Variants in DENND2A observed in about 807,000 individuals in gnomAD.
The protein encoded by DENND2A is DENN domain containing 2A, also known as DENN domain-containing protein 2A.
In DENND2A, 53 loss-of-function variants were observed where a neutral mutation model predicts 105.3. The observed-to-expected ratio is 0.50, with a 90% CI of 0.40 to 0.63. DENND2A has a LOEUF of 0.63. DENND2A is among the 30% of genes least tolerant of loss of function. DENND2A has a pLI of 0.00. For synonymous variants in DENND2A, 522 were observed against 508.4 expected (o/e 1.03, Z -0.36); for missense variants, 1,138 against 1,279.6 (o/e 0.89, Z 1.69).
intron 1 of DENND2A, among the ~76,000 whole-genome samples, chr7:140,628,542 T>C (rs2130733579): frequency 6.8e-6 from 1 of 147,632 alleles, no homozygotes; most frequent in South Asian, 2.2e-4. Context: ...CTTTCTTTTT[T>C]TTTTTTTTTT....
At chr7:140,558,088 A>G (rs1401244439) in intron 11 of DENND2A, 55 bp downstream of exon 11, 10 of 1,486,834 alleles carry the variant, frequency 6.7e-6, no homozygotes, top group Non-Finnish European at 9.3e-6. Context: ...TGGCTCTTGC[A>G]CCAGGACTAG....
chr7:140,559,697 C>T lies in DENND2A; in HGVS notation c.1889+11G>A. ...TCTTTGGGGCTGCGAAGGGGAGAAG[C>T]CAGCTCGTACCTGGTGAACTGCTGG... On this transcript the variant is annotated intron_variant, in intron 10 of 19. Coordinates refer to ENST00000496613, the MANE Select transcript of DENND2A (RefSeq NM_015689.5). The surrounding 1 kb of genome is among the most constrained non-coding windows in gnomAD (Gnocchi z 4.1). 1 of 1,608,266 alleles carries T rather than the reference C, an allele frequency of 6.2e-7. No individual in the cohort carries two copies. The highest frequency in any genetic ancestry group is 8.5e-7 in the Non-Finnish European group (1 of 1,174,836).
At chr7:140,542,557 TTCTC>T (rs1563127624) in intron 14 of DENND2A, among the ~76,000 whole-genome samples, 1 of 149,542 alleles carries the variant, frequency 6.7e-6, no homozygotes, top group Non-Finnish European at 1.5e-5. Context: ...GCAGTTCTTT[TTCTC>T]TCTCTTTTTT....
chr7:140,589,415 G>A (rs1798918419), intron 3 of DENND2A, among the ~76,000 whole-genome samples: 1 of 152,194 alleles, frequency 6.6e-6, no homozygotes, highest in Non-Finnish European at 1.5e-5. Context: ...ATGCTATGAG[G>A]AGATGCTATG....
At chr7:140,567,541 A>G (rs906790900) in intron 8 of DENND2A, among the ~76,000 whole-genome samples, 6 of 152,138 alleles carry the variant, frequency 3.9e-5, no homozygotes, top group African/African-American at 1.4e-4. Flanking sequence ...TTGGCTACCA[A>G]ACCAATCAGG....
At position 140,585,676 on chromosome 7, in the gene DENND2A, G is replaced by A. The variant is rs544674444; in HGVS notation, c.1158C>T (p.Ile386=). ...TTCCCAGGCAGCGACCATGTAACTC[G>A]ATGTCCTCATAAGGGTTCTCCTTCA... is the stretch of plus-strand genomic sequence containing the variant. ...PPMKENPYED[I]ELHGRCLGKK... Residue 386 remains isoleucine, a synonymous_variant, in exon 5 of 20, where the codon ATC becomes ATT. Coordinates refer to ENST00000496613, the MANE Select transcript of DENND2A (RefSeq NM_015689.5). 8.7e-6 allele frequency: 14 copies of A among 1,614,188 alleles called. No homozygotes were observed. In the Admixed American group the frequency reaches 1.0e-4, roughly 12 times the overall value.
intron 5 of DENND2A, among the ~76,000 whole-genome samples, chr7:140,584,910 A>G (rs993626331): frequency 1.3e-5 from 2 of 152,044 alleles, no homozygotes; most frequent in Non-Finnish European, 2.9e-5. Context: ...TCATTAAAAA[A>G]CCCACAGGCT....
chr7:140,544,760 C>A lies in DENND2A; in HGVS notation c.2185G>T (p.Glu729Ter), dbSNP rs2293177. The change falls in exon 14 of 20, where the codon GAA (glutamate) becomes TAA (stop). Residue 729 changes from glutamate to a stop codon, truncating the protein, a stop_gained. Coordinates refer to ENST00000496613, the MANE Select transcript of DENND2A (RefSeq NM_015689.5). LOFTEE classifies it high-confidence loss of function. ...FLPGSGTEVIELCRPLDSRLE... is the reference protein window; with the variant it reads ...FLPGSGTEVI ...CGGGAGTCCAGCGGGCGGCACAGTT[C>A]GATCACCTGCCAGGGAACAGGAGCA... The A allele has an allele frequency of 6.3e-7, 1 of 1,575,384 alleles. No homozygotes were observed. The highest frequency in any genetic ancestry group is 1.2e-5 in the South Asian group (1 of 86,610).
chr7:140,555,695 G>T lies in DENND2A; in HGVS notation c.1978C>A (p.Arg660Ser). The change falls in exon 12 of 20, where the codon CGC becomes AGC. Residue 660 changes from arginine (R) to serine (S), a missense_variant. Physicochemically the swap from Arg to Ser is moderately radical, Grantham distance 110. Transcript: ENST00000496613. ...RRLLPGGKGK[R>S]LPEVYCIVSR... ...ACAATGCAGTAAACTTCAGGAAGGC[G>T]CTTCCCTTTGCCTCCAGGCTTTTCG... 2 of 1,606,802 alleles carry T rather than the reference G, an allele frequency of 1.2e-6. No individual in the cohort carries two copies. Among genetic ancestry groups the T allele is most frequent in the Non-Finnish European group, 1.7e-6 (2 of 1,177,872 alleles).
chr7:140,586,441 C>G (rs1798787974), intron 4 of DENND2A, among the ~76,000 whole-genome samples: 1 of 151,688 alleles, frequency 6.6e-6, no homozygotes, highest in Non-Finnish European at 1.5e-5. Context: ...CGCCTATAAT[C>G]CCAGCTACTT....
intron 15 of DENND2A, among the ~76,000 whole-genome samples, chr7:140,526,513 G>A (rs1796060812): frequency 6.6e-6 from 1 of 152,190 alleles, no homozygotes; most frequent in Non-Finnish European, 1.5e-5. Context: ...CCATATCCCA[G>A]AGACCTGCCC....
chr7:140,550,007 G>C (rs1797056309), intron 12 of DENND2A, among the ~76,000 whole-genome samples: 2 of 152,026 alleles, frequency 1.3e-5, no homozygotes. Context: ...TATGCTAAGT[G>C]AATCGAAGCC....
At chr7:140,635,441 T>G (rs1800887950) in intron 1 of DENND2A, among the ~76,000 whole-genome samples, 1 of 152,186 alleles carries the variant, frequency 6.6e-6, no homozygotes, top group African/African-American at 2.4e-5. Flanking sequence ...GATAAGCCCT[T>G]CAGATAAGAT....
intron 5 of DENND2A, among the ~76,000 whole-genome samples, chr7:140,584,972 C>A (rs1324379926): frequency 6.6e-6 from 1 of 152,134 alleles, no homozygotes; most frequent in East Asian, 1.9e-4. Flanking sequence ...GCCAAGGCAG[C>A]TGGATCACTT....
chr7:140,518,666 T>TAG lies in DENND2A; in HGVS notation c.*39_*40dup. 1 of 1,603,878 alleles carries TAG rather than the reference T, an allele frequency of 6.2e-7. No individual in the cohort carries two copies. Reference sequence around the variant, plus strand: ...GCCACCAGGAACTGTTTTTAAAGCATAGGGCTGCACTAGGAGGAAGTTTTC... The same window carrying TAG: ...GCCACCAGGAACTGTTTTTAAAGCATAGAGGGCTGCACTAGGAGGAAGTTTTC... On this transcript the variant is annotated 3_prime_UTR_variant, in exon 20 of 20. Transcript: ENST00000496613.
At chr7:140,604,350 A>G (rs75496458) in intron 2 of DENND2A, among the ~76,000 whole-genome samples, 5,079 of 152,344 alleles carry the variant, frequency 0.033, 146 homozygotes, top group African/African-American at 0.083. Flanking sequence ...ACGCAAACAC[A>G]TTTTTTTGGC....
intron 6 of DENND2A, among the ~76,000 whole-genome samples, chr7:140,572,205 C>T (rs892236250): frequency 6.6e-6 from 1 of 151,666 alleles, no homozygotes; most frequent in Non-Finnish European, 1.5e-5. Flanking sequence ...TGGGGTTCCA[C>T]CATGTTGCCC....
intron 9 of DENND2A, among the ~76,000 whole-genome samples, chr7:140,563,793 G>A (rs1386476298): frequency 3.3e-5 from 5 of 151,034 alleles, no homozygotes; most frequent in South Asian, 4.2e-4. Context: ...GGGCAACAGA[G>A]GAAGACCTCG....
chr7:140,543,474 G>A (rs1002332226), intron 14 of DENND2A: 1 of 151,982 alleles, frequency 6.6e-6, no homozygotes, highest in African/African-American at 2.4e-5. Flanking sequence ...CAGAGTGTAT[G>A]ACACATGGCA....
Sources: allele counts gnomAD v4.1 joint callset (sites outside exome capture counted in the v4.1 genomes callset), GRCh38; gene constraint gnomAD v4.1.1; non-coding constraint Gnocchi (gnomAD v3.1); transcripts MANE v1.5; gene names NCBI Gene and HGNC (gene_info 2026-07-23, HGNC 2026-07-21).